The following DIP2B variants were observed in gnomAD, a reference collection of about 807,000 sequenced individuals.
DIP2B encodes the protein DIP2 acetate--CoA ligase B (putative).
Under a neutral mutation model 198.0 loss-of-function variants are expected in DIP2B, and 76 were observed. That is an observed-to-expected ratio of 0.38 (90% confidence interval 0.32 to 0.46). The LOEUF is 0.46. DIP2B is among the 20% of genes least tolerant of loss of function. The probability of loss-of-function intolerance (pLI) is 0.99; values close to 1 mark genes in which losing one functional copy is unlikely to be tolerated. For missense variants in DIP2B, 1,559 were observed against 1,978.4 expected (o/e 0.79, Z 4.02); for synonymous variants, 701 against 739.1 (o/e 0.95, Z 0.84).
In DIP2B at chr12:50,615,463, A is replaced by C. The variant is rs982197210; in HGVS notation, c.101-10513A>C. ...TTTTAGGCCCTTAGCATCCAAAGGC[A>C]CTAACTTTGTTGGCTCTTAGTGCTG... On this transcript the variant is annotated intron_variant, in intron 1 of 37. Coordinates refer to ENST00000301180, the MANE Select transcript of DIP2B (RefSeq NM_173602.3). 1.1e-4 allele frequency among the ~76,000 whole-genome samples: 17 copies of C among 152,208 alleles called. No homozygotes were observed. In the East Asian group the frequency reaches 3.1e-3, roughly 28 times the overall value.
chr12:50,724,651 A>G, intron 27 of DIP2B, 124 bp from the exon 28 acceptor site: 4 of 722,068 alleles, frequency 5.5e-6, no homozygotes, highest in East Asian at 5.4e-5. Flanking sequence ...TCTGTCTCAC[A>G]TGTGTTCTTT....
At chr12:50,662,832 G>T (rs112412950) in intron 4 of DIP2B, among the ~76,000 whole-genome samples, 40 of 152,206 alleles carry the variant, frequency 2.6e-4, no homozygotes, top group African/African-American at 9.1e-4. Context: ...GACCTAAAGC[G>T]GGGTACGGTG....
chr12:50,644,858 A>G (rs796325518), intron 3 of DIP2B, among the ~76,000 whole-genome samples: 4 of 152,320 alleles, frequency 2.6e-5, no homozygotes, highest in African/African-American at 9.6e-5. Flanking sequence ...TACATATTTC[A>G]TATCATATAT....
intron 1 of DIP2B, among the ~76,000 whole-genome samples, chr12:50,539,624 A>AG (rs1225486824): frequency 4.6e-5 from 7 of 151,450 alleles, no homozygotes; most frequent in Non-Finnish European, 7.4e-5. Context: ...GTCTCAAAAA[A>AG]AAAAAAAAAA....
chr12:50,531,203 G>A (rs1056017548), intron 1 of DIP2B, among the ~76,000 whole-genome samples: 2 of 152,114 alleles, frequency 1.3e-5, no homozygotes, highest in African/African-American at 4.8e-5. Context: ...CTGTCACCAC[G>A]CCTGGCTAAT....
At chr12:50,686,459 A>G in intron 11 of DIP2B, 114 bp from the exon 12 acceptor site, 1 of 854,830 alleles carries the variant, frequency 1.2e-6, no homozygotes. Flanking sequence ...TAAGTATTTT[A>G]TTGATTATAA....
intron 6 of DIP2B, 39 bp from the exon 7 acceptor site, chr12:50,675,290 A>G (rs1938927168): frequency 1.2e-6 from 2 of 1,602,936 alleles, no homozygotes; most frequent in African/African-American, 2.7e-5. Context: ...ATATCCTTAC[A>G]GTCAATGAAT....
intron 12 of DIP2B, among the ~76,000 whole-genome samples, chr12:50,688,218 C>T (rs1474416913): frequency 6.6e-6 from 1 of 151,958 alleles, no homozygotes; most frequent in Admixed American, 6.6e-5. Flanking sequence ...TGTCTGTAAT[C>T]CCAGCACTTT....
Position 50,505,039 on chromosome 12 carries a change from G to C in DIP2B, c.-102G>C, listed in dbSNP as rs989121290. ...GGCGGCGGCGGTGCTGGTGGTGCTC[G>C]GCGGCCGGAGCCGGATCCTGTAGCC... On this transcript the variant is annotated 5_prime_UTR_variant, in exon 1 of 38. Transcript: ENST00000301180. 22 of 1,264,626 alleles carry C rather than the reference G, an allele frequency of 1.7e-5. No individual in the cohort carries two copies. In the African/African-American group the frequency reaches 2.3e-4, roughly 13 times the overall value. The allele number at this position is 1,264,626 out of a possible 1,614,324, so 78.3% of individuals were successfully genotyped here. A position where few individuals can be genotyped will look rare whatever the true frequency, so the allele number is the denominator to read the frequency against.
rs529533076 is a variant in DIP2B at position 50,545,400 on chromosome 12, C to A, written c.100+40160C>A. ...CCCCTCCTCTCCCCTCCCTCCCCCT[C>A]CCCTCCGTTCTGTCACCCAGCCTAG... On this transcript the variant is annotated intron_variant, in intron 1 of 37. Coordinates refer to ENST00000301180, the MANE Select transcript of DIP2B (RefSeq NM_173602.3). Among the ~76,000 whole-genome samples, 157 of 147,682 alleles carry A rather than the reference C, an allele frequency of 1.1e-3. 1 individual carries two copies. The highest frequency in any genetic ancestry group is 3.7e-3 in the African/African-American group (148 of 39,952).
intron 1 of DIP2B, among the ~76,000 whole-genome samples, chr12:50,554,811 A>G (rs1341379099): frequency 1.5e-5 from 2 of 133,146 alleles, no homozygotes; most frequent in Non-Finnish European, 3.1e-5. Context: ...CTGTCTCACC[A>G]GGCTGAAATG....
Position 50,683,170 on chromosome 12 carries a change from C to G in DIP2B, c.1239C>G (p.Val413=), listed in dbSNP as rs930444307. The change falls in exon 10 of 38, where the codon GTC becomes GTG. Residue 413 remains valine, a synonymous_variant. Coordinates refer to ENST00000301180, the MANE Select transcript of DIP2B (RefSeq NM_173602.3). ...TGGTTTACCCCAACAATGATCCAGT[C>G]ATGTTTATGGTGGCTTTCTATGGAT... ...VALVYPNNDP[V]MFMVAFYGCL... is the part of the protein sequence containing the mutation. 2 of 1,612,004 alleles carry G rather than the reference C, an allele frequency of 1.2e-6. No individual in the cohort carries two copies. The highest frequency in any genetic ancestry group is 2.7e-5 in the African/African-American group (2 of 74,846).
At chr12:50,570,853 A>G (rs1025606889) in intron 1 of DIP2B, among the ~76,000 whole-genome samples, 4 of 152,228 alleles carry the variant, frequency 2.6e-5, no homozygotes, top group African/African-American at 9.6e-5. Context: ...AAGTTTGTGA[A>G]ACAAGGTTTT....
chr12:50,558,133 C>A (rs1405361205), intron 1 of DIP2B, among the ~76,000 whole-genome samples: 1 of 151,780 alleles, frequency 6.6e-6, no homozygotes, highest in East Asian at 1.9e-4. Context: ...TTTGGGAGGC[C>A]AAGGTGGGAG....
chr12:50,643,405 C>CTGTGTGTGTGTGTGTG (rs57483938), intron 3 of DIP2B, among the ~76,000 whole-genome samples: 70 of 131,090 alleles, frequency 5.3e-4, no homozygotes, highest in Non-Finnish European at 1.0e-3. Context: ...GGGAGTTTTT[C>CTGTGTGTGTGTGTGTG]TGTGTGTGTG....
intron 23 of DIP2B, among the ~76,000 whole-genome samples, chr12:50,718,311 G>A (rs956413361): frequency 2.0e-5 from 3 of 152,068 alleles, no homozygotes; most frequent in African/African-American, 7.2e-5. Flanking sequence ...CCTCTTTTAG[G>A]GTTCTATTAT....
At chr12:50,564,411 C>A (rs1023622709) in intron 1 of DIP2B, among the ~76,000 whole-genome samples, 1 of 152,174 alleles carries the variant, frequency 6.6e-6, no homozygotes, top group Non-Finnish European at 1.5e-5. Context: ...TGATTAAGCA[C>A]TGCCAAATTT....
At chr12:50,726,642 C>T (rs1939940412) in intron 28 of DIP2B, among the ~76,000 whole-genome samples, 1 of 150,318 alleles carries the variant, frequency 6.7e-6, no homozygotes, top group African/African-American at 2.4e-5. Context: ...TGAGCCACCG[C>T]ACCTGGCCAC....
At chr12:50,592,122 A>C (rs1395216998) in intron 1 of DIP2B, among the ~76,000 whole-genome samples, 1 of 150,106 alleles carries the variant, frequency 6.7e-6, no homozygotes, top group East Asian at 2.0e-4. Context: ...CAAGTGATGC[A>C]TCTGCCTTGG....
Sources: gnomAD v4.1 joint callset for allele counts (sites outside exome capture counted in the v4.1 genomes callset) on GRCh38, gnomAD v4.1.1 for gene constraint, MANE v1.5 for transcripts, NCBI Gene and HGNC (gene_info 2026-07-23, HGNC 2026-07-21) for gene names.